Variants in CFAP20DC observed in about 807,000 individuals in gnomAD.
CFAP20DC encodes the protein protein CFAP20DC.
CFAP20DC carries 84 observed loss-of-function variants against 101.7 expected under a neutral mutation model. That is an observed-to-expected ratio of 0.83 (90% confidence interval 0.69 to 0.99). CFAP20DC has a LOEUF of 0.99. Among genes scored for constraint, CFAP20DC ranks in the 50% least tolerant of loss-of-function variants. The pLI is 0.00. For missense variants in CFAP20DC, 1,007 were observed against 970.3 expected, an observed-to-expected ratio of 1.04 and a Z score of -0.50; for synonymous variants, 359 against 351.2, an observed-to-expected ratio of 1.02 and a Z score of -0.25.
chr3:58,994,146 A>T (rs1429633569), intron 4 of CFAP20DC, among the ~76,000 whole-genome samples: 1 of 152,210 alleles, frequency 6.6e-6, no homozygotes, highest in Non-Finnish European at 1.5e-5. Context: ...AGGTAACTAC[A>T]GAGAGGGAAG....
At chr3:58,904,245 GA>G (rs1214917200) in intron 6 of CFAP20DC, among the ~76,000 whole-genome samples, 1 of 151,702 alleles carries the variant, frequency 6.6e-6, no homozygotes, top group Non-Finnish European at 1.5e-5. Flanking sequence ...ATTGTAAATG[GA>G]ATTGTTATTT....
At chr3:58,830,930 C>T (rs746212602) in intron 14 of CFAP20DC, among the ~76,000 whole-genome samples, 2 of 152,130 alleles carry the variant, frequency 1.3e-5, no homozygotes, top group South Asian at 2.1e-4. Context: ...CTGTTGTTTA[C>T]GCTCTGTCTT....
In CFAP20DC at chr3:58,974,023, G is replaced by A. The variant is rs191381763; in HGVS notation, c.279-36261C>T. Among the ~76,000 whole-genome samples, 5 of 152,234 alleles carry A rather than the reference G, an allele frequency of 3.3e-5. No homozygotes were observed. In the East Asian group the frequency reaches 5.8e-4, roughly 18 times the overall value. On this transcript the variant is annotated intron_variant, in intron 4 of 16. Coordinates refer to ENST00000482387, the MANE Select transcript of CFAP20DC (RefSeq NM_001394063.1). ...GTCTGGGTGATTCATATGGTATGACGTAGGAGGACAGGAGCGGGCTACCTC... is the reference window on the plus strand; with the variant it reads ...GTCTGGGTGATTCATATGGTATGACATAGGAGGACAGGAGCGGGCTACCTC...
intron 14 of CFAP20DC, among the ~76,000 whole-genome samples, chr3:58,818,270 G>C (rs2075350163): frequency 6.6e-6 from 1 of 150,470 alleles, no homozygotes; most frequent in Non-Finnish European, 1.5e-5. Flanking sequence ...ATAATGACAG[G>C]ATCAAATTCA....
At chr3:58,890,072 C>T (rs1233184146) in intron 6 of CFAP20DC, among the ~76,000 whole-genome samples, 1 of 151,022 alleles carries the variant, frequency 6.6e-6, no homozygotes, top group Non-Finnish European at 1.5e-5. Flanking sequence ...GTTGGGCACA[C>T]CTCCCAGACG....
chr3:58,991,724 G>A (rs965212600), intron 4 of CFAP20DC, among the ~76,000 whole-genome samples: 2 of 152,042 alleles, frequency 1.3e-5, no homozygotes, highest in African/African-American at 4.8e-5. Flanking sequence ...GCTCTCCTAC[G>A]AGAATCTAAT....
chr3:58,778,859 T>G (rs1283335487), intron 15 of CFAP20DC, among the ~76,000 whole-genome samples: 1 of 152,210 alleles, frequency 6.6e-6, no homozygotes, highest in Non-Finnish European at 1.5e-5. Flanking sequence ...CCACTGACAC[T>G]GTTTATAGCC....
chr3:58,884,941 G>T (rs1323657738), intron 6 of CFAP20DC, among the ~76,000 whole-genome samples: 1 of 152,100 alleles, frequency 6.6e-6, no homozygotes, highest in Non-Finnish European at 1.5e-5. Context: ...TATGGAGCAA[G>T]TTCAGAGAAC....
intron 4 of CFAP20DC, among the ~76,000 whole-genome samples, chr3:58,990,398 C>A (rs114198410): frequency 1.3e-3 from 201 of 152,198 alleles, no homozygotes; most frequent in African/African-American, 4.5e-3. Flanking sequence ...TGTCTTGTTG[C>A]TAGAGAAAAG....
intron 3 of CFAP20DC, among the ~76,000 whole-genome samples, chr3:58,730,080 A>C (rs1037193109): frequency 6.6e-6 from 1 of 152,026 alleles, no homozygotes; most frequent in Non-Finnish European, 1.5e-5. Context: ...CAGGTGACAC[A>C]ATATGCTGTC....
rs755499869 is a variant in CFAP20DC at position 58,795,026 on chromosome 3, A to AT, written c.2237+11368dup. On this transcript the variant is annotated intron_variant, in intron 15 of 16. Transcript: ENST00000482387. The surrounding 1 kb of genome is among the most constrained non-coding windows in gnomAD (Gnocchi z 4.2). Reference sequence around the variant, plus strand: ...CATTTAACAATAATTACGGTCTTCCATTTTTTAGGTTAATGTTATTCTCCT... The same window carrying AT: ...CATTTAACAATAATTACGGTCTTCCATTTTTTTAGGTTAATGTTATTCTCCT... 1.3e-5 allele frequency among the ~76,000 whole-genome samples: 2 copies of AT among 152,178 alleles called. No individual in the cohort carries two copies. The highest frequency in any genetic ancestry group is 2.4e-5 in the African/African-American group (1 of 41,442).
At chr3:59,038,035 G>A (rs1025479723) in intron 4 of CFAP20DC, among the ~76,000 whole-genome samples, 2 of 151,950 alleles carry the variant, frequency 1.3e-5, no homozygotes, top group African/African-American at 2.4e-5. Context: ...AACAGAAAGC[G>A]AAACACCACA....
downstream of CFAP20DC, among the ~76,000 whole-genome samples, chr3:58,716,318 C>A (rs564385611): frequency 1.1e-4 from 17 of 151,512 alleles, no homozygotes; most frequent in East Asian, 1.9e-3. Context: ...CCCGCCACCA[C>A]GCCCGGCTAA....
At chr3:59,039,859 CG>C (rs1640635948) in intron 3 of CFAP20DC, among the ~76,000 whole-genome samples, 1 of 151,744 alleles carries the variant, frequency 6.6e-6, no homozygotes, top group South Asian at 2.1e-4. Flanking sequence ...CTGTGGCCTT[CG>C]TGAAATTTTT....
intron 15 of CFAP20DC, among the ~76,000 whole-genome samples, chr3:58,779,490 T>C (rs893097174): frequency 6.6e-6 from 1 of 152,010 alleles, no homozygotes; most frequent in African/African-American, 2.4e-5. Context: ...GCACCCAACA[T>C]CAGAGCACAC....
At chr3:58,770,224 C>G (rs1366262827) in intron 15 of CFAP20DC, among the ~76,000 whole-genome samples, 1 of 152,218 alleles carries the variant, frequency 6.6e-6, no homozygotes, top group African/African-American at 2.4e-5. Flanking sequence ...AATATCCCAT[C>G]TACTTGAGAT....
At chr3:58,957,284 C>T (rs1382549136) in intron 4 of CFAP20DC, among the ~76,000 whole-genome samples, 2 of 152,066 alleles carry the variant, frequency 1.3e-5, no homozygotes, top group Non-Finnish European at 2.9e-5. Context: ...CAGAGAAACG[C>T]AAATCAAAAC....
Position 58,866,549 on chromosome 3 carries a change from G to T in CFAP20DC, c.1258+17C>A. 1.3e-6 allele frequency: 2 copies of T among 1,586,114 alleles called. No homozygotes were observed. The highest frequency in any genetic ancestry group is 1.7e-6 in the Non-Finnish European group (2 of 1,167,994). On this transcript the variant is annotated intron_variant, in intron 11 of 16. Coordinates refer to ENST00000482387, the MANE Select transcript of CFAP20DC (RefSeq NM_001394063.1). ...TTTATTCATTATTAACAGATATGGT[G>T]TAATAAAGATGCCAACCTGATTGAT...
At chr3:58,726,529 C>A (rs2067554217) in intron 3 of CFAP20DC, 1 of 161,366 alleles carries the variant, frequency 6.2e-6, no homozygotes, top group Admixed American at 6.5e-5. Context: ...CCCTTCCACT[C>A]ACACCATCAG....
Sources: gnomAD v4.1 joint callset for allele counts (sites outside exome capture counted in the v4.1 genomes callset) on GRCh38, gnomAD v4.1.1 for gene constraint, Gnocchi (gnomAD v3.1) non-coding constraint, MANE v1.5 for transcripts, NCBI Gene and HGNC (gene_info 2026-07-23, HGNC 2026-07-21) for gene names.